Variants in CAMK2D observed in about 807,000 individuals in gnomAD.
CAMK2D encodes the protein calcium/calmodulin-dependent protein kinase type II subunit delta.
CAMK2D carries 37 observed loss-of-function variants against 84.0 expected under a neutral mutation model. That is an observed-to-expected ratio of 0.44 (90% CI 0.34 to 0.58). The LOEUF (loss-of-function observed/expected upper bound fraction) is 0.58. CAMK2D is among the 20% of genes least tolerant of loss of function. CAMK2D has a pLI of 0.02. For synonymous variants in CAMK2D, 202 were observed against 212.5 expected (o/e 0.95, Z 0.43); for missense variants, 448 against 652.5 (o/e 0.69, Z 3.41).
chr4:113,738,245 TA>T (rs1170669358), intron 2 of CAMK2D, among the ~76,000 whole-genome samples: 149 of 151,828 alleles, frequency 9.8e-4, no homozygotes, highest in African/African-American at 3.6e-3. Context: ...AAAACTAAGT[TA>T]GATGAAATAA....
intron 3 of CAMK2D, among the ~76,000 whole-genome samples, chr4:113,629,912 TA>T (rs879680774): frequency 0.026 from 3,887 of 147,378 alleles, 178 homozygotes; most frequent in African/African-American, 0.086. Flanking sequence ...TCACAATGTT[TA>T]AAAAAAAAAA....
intron 2 of CAMK2D, among the ~76,000 whole-genome samples, chr4:113,745,869 T>G (rs2099602995): frequency 6.6e-6 from 1 of 152,186 alleles, no homozygotes; most frequent in Non-Finnish European, 1.5e-5. Context: ...GTCTCCTCCA[T>G]TCTCTGGCCC....
intron 7 of CAMK2D, among the ~76,000 whole-genome samples, chr4:113,532,703 G>A (rs2098466120): frequency 1.3e-5 from 2 of 152,142 alleles, no homozygotes; most frequent in Non-Finnish European, 2.9e-5. Context: ...TTCTTAGTGT[G>A]CACTTTCAGA....
chr4:113,636,095 G>A (rs1399531633), intron 3 of CAMK2D, among the ~76,000 whole-genome samples: 2 of 152,120 alleles, frequency 1.3e-5, no homozygotes, highest in African/African-American at 4.8e-5. Flanking sequence ...GAGTCTAATA[G>A]GTATTCTAAA....
chr4:113,452,678 T>G lies in CAMK2D; in HGVS notation c.*1867A>C, dbSNP rs992549836. The G allele has an allele frequency of 6.6e-6, 1 of 152,568 alleles. No homozygotes were observed. The highest frequency in any genetic ancestry group is 1.5e-5 in the Non-Finnish European group (1 of 68,034). The allele number at this position is 152,568 out of a possible 1,614,324, so 9.5% of individuals were successfully genotyped here. The stretch of plus-strand genomic sequence containing the variant: ...AAAAAAAACACTCTACATCTATTTT[T>G]TTTTCTTTAAATACATGTATGCCAC... On this transcript the variant is annotated 3_prime_UTR_variant, in exon 21 of 21. Coordinates refer to ENST00000511664, the MANE Select transcript of CAMK2D (RefSeq NM_001321571.2).
chr4:113,583,421 A>C (rs2154244059), intron 4 of CAMK2D, among the ~76,000 whole-genome samples: 1 of 152,328 alleles, frequency 6.6e-6, no homozygotes, highest in Non-Finnish European at 1.5e-5. Context: ...TCCCAGGATA[A>C]AAGGTTAAAG....
chr4:113,459,564 AT>A (rs1223670901), intron 18 of CAMK2D, among the ~76,000 whole-genome samples: 1 of 150,738 alleles, frequency 6.6e-6, no homozygotes, highest in South Asian at 2.1e-4. Context: ...GTGAAATAAC[AT>A]TTTTTGTAAC....
chr4:113,608,376 A>G (rs546177633), intron 4 of CAMK2D, among the ~76,000 whole-genome samples: 9 of 152,356 alleles, frequency 5.9e-5, no homozygotes, highest in African/African-American at 2.2e-4. Context: ...TGAATATACT[A>G]TAATTATGTA....
At chr4:113,602,529 C>T (rs1018695112) in intron 4 of CAMK2D, among the ~76,000 whole-genome samples, 2 of 152,204 alleles carry the variant, frequency 1.3e-5, no homozygotes, top group African/African-American at 2.4e-5. Context: ...GAGCCTGAGC[C>T]TGGAGACTGC....
intron 4 of CAMK2D, among the ~76,000 whole-genome samples, chr4:113,594,801 C>T (rs1384547454): frequency 6.6e-6 from 1 of 151,828 alleles, no homozygotes; most frequent in Non-Finnish European, 1.5e-5. Context: ...GATTGTGGGA[C>T]GATGACAAAA....
intron 5 of CAMK2D, among the ~76,000 whole-genome samples, chr4:113,549,654 C>T (rs1020453553): frequency 1.3e-5 from 2 of 152,178 alleles, no homozygotes; most frequent in African/African-American, 4.8e-5. Flanking sequence ...TATAAGTTCA[C>T]TGTGCAATTC....
intron 3 of CAMK2D, among the ~76,000 whole-genome samples, chr4:113,660,101 C>A (rs1432766314): frequency 6.6e-6 from 1 of 152,136 alleles, no homozygotes; most frequent in African/African-American, 2.4e-5. Context: ...AAAGATTTTG[C>A]AAATTCTACA....
At chr4:113,514,900 C>A (rs188067731) in intron 10 of CAMK2D, among the ~76,000 whole-genome samples, 169 bp downstream of exon 10, 1 of 152,166 alleles carries the variant, frequency 6.6e-6, no homozygotes, top group Non-Finnish European at 1.5e-5. Context: ...CTGAAAATTG[C>A]ATTTTTTCAC....
chr4:113,617,228 G>A (rs893705872), intron 3 of CAMK2D, among the ~76,000 whole-genome samples: 2 of 152,110 alleles, frequency 1.3e-5, no homozygotes, highest in African/African-American at 2.4e-5. Flanking sequence ...AGTATTTTGG[G>A]AGGCTGAGGC....
At chr4:113,476,568 A>G (rs2097624900) in intron 16 of CAMK2D, among the ~76,000 whole-genome samples, 1 of 152,152 alleles carries the variant, frequency 6.6e-6, no homozygotes, top group African/African-American at 2.4e-5. Flanking sequence ...CTCCTTGTTC[A>G]GGACTGAAAC....
intron 2 of CAMK2D, among the ~76,000 whole-genome samples, chr4:113,731,347 T>A (rs1364933289): frequency 6.6e-6 from 1 of 152,206 alleles, no homozygotes; most frequent in Non-Finnish European, 1.5e-5. Context: ...TTCTCAGGCC[T>A]TATAAAGAAA....
At chr4:113,632,368 C>T (rs905452611) in intron 3 of CAMK2D, among the ~76,000 whole-genome samples, 2 of 151,986 alleles carry the variant, frequency 1.3e-5, no homozygotes, top group African/African-American at 4.8e-5. Flanking sequence ...GAATCGCAGG[C>T]ATGCACCACC....
At chr4:113,640,341 G>C (rs2099127580) in intron 3 of CAMK2D, among the ~76,000 whole-genome samples, 1 of 152,036 alleles carries the variant, frequency 6.6e-6, no homozygotes, top group South Asian at 2.1e-4. Context: ...AGGCAGAAGG[G>C]GAATTCACGA....
intron 7 of CAMK2D, among the ~76,000 whole-genome samples, chr4:113,535,160 G>A (rs1453766909): frequency 6.6e-6 from 1 of 152,032 alleles, no homozygotes; most frequent in African/African-American, 2.4e-5. Context: ...CTGGGCCTAA[G>A]TTCCCATTTT....
Sources: gnomAD v4.1 joint callset for allele counts (sites outside exome capture counted in the v4.1 genomes callset) on GRCh38, gnomAD v4.1.1 for gene constraint, MANE v1.5 for transcripts, NCBI Gene and HGNC (gene_info 2026-07-23, HGNC 2026-07-21) for gene names.